Variants in EPB41L3 observed in about 807,000 individuals in gnomAD.
EPB41L3 encodes erythrocyte membrane protein band 4.1 like 3, also known as band 4.1-like protein 3.
In EPB41L3, 57 loss-of-function variants were observed where a neutral mutation model predicts 127.1. The ratio of observed to expected loss-of-function variants is 0.45; its 90% confidence interval spans 0.36 to 0.56. EPB41L3 has a LOEUF of 0.56. EPB41L3 is among the 20% of genes least tolerant of loss of function. EPB41L3 has a pLI of 0.00. For missense variants in EPB41L3, 1,273 were observed against 1,372.2 expected (o/e 0.93, Z 1.14); for synonymous variants, 572 against 549.5 (o/e 1.04, Z -0.57).
At chr18:5,493,701 T>G (rs1374302007) in intron 1 of EPB41L3, among the ~76,000 whole-genome samples, 1 of 152,178 alleles carries the variant, frequency 6.6e-6, no homozygotes, top group Non-Finnish European at 1.5e-5. Flanking sequence ...TCTACTTTTC[T>G]GTGGTGCCAA....
intron 3 of EPB41L3, among the ~76,000 whole-genome samples, chr18:5,477,567 C>T (rs190752693): frequency 1.3e-5 from 2 of 152,286 alleles, no homozygotes; most frequent in African/African-American, 2.4e-5. Flanking sequence ...TGCGTGAATC[C>T]TCCCTGATAC....
chr18:5,530,003 C>T (rs1344957557), intron 1 of EPB41L3, among the ~76,000 whole-genome samples: 3 of 151,828 alleles, frequency 2.0e-5, no homozygotes, highest in Non-Finnish European at 2.9e-5. Flanking sequence ...CTCTCCCTCA[C>T]CTCCCACCAT....
chr18:5,551,945 C>T lies in EPB41L3; in HGVS notation c.-306+60395G>A, dbSNP rs1366001542. On this transcript the variant is annotated intron_variant, in intron 3 of 21. Coordinates refer to the EPB41L3 transcript ENST00000545076. ...GGCAGCAGTATCTTTCAGCATTCCCCAAGTGACTTTTAGGAGTAAATGGAG... is the reference window on the plus strand; with the variant it reads ...GGCAGCAGTATCTTTCAGCATTCCCTAAGTGACTTTTAGGAGTAAATGGAG... Among the ~76,000 whole-genome samples the T allele has an allele frequency of 5.3e-5, 8 of 152,150 alleles. No individual in the cohort carries two copies. The South Asian group carries it at 8.3e-4, about 16-fold the overall frequency.
rs565223983 is a variant in EPB41L3, at chr18:5,507,423, A to T, written c.-11-18229T>A. Among the ~76,000 whole-genome samples the T allele has an allele frequency of 2.1e-4, 32 of 152,194 alleles. 1 individual carries two copies. The highest frequency in any genetic ancestry group is 7.7e-4 in the African/African-American group (32 of 41,504). On this transcript the variant is annotated intron_variant, in intron 1 of 22. Coordinates refer to ENST00000341928, the MANE Select transcript of EPB41L3 (RefSeq NM_012307.5). ...ATTCAGACATTAATAAATGCCATTTATTAATCACTGTTGCCAATTGGTATC... is the reference window on the plus strand; with the variant it reads ...ATTCAGACATTAATAAATGCCATTTTTTAATCACTGTTGCCAATTGGTATC...
intron 3 of EPB41L3, among the ~76,000 whole-genome samples, chr18:5,594,480 A>G (rs2094517961): frequency 6.6e-6 from 1 of 152,206 alleles, no homozygotes. Context: ...CATTGTAATA[A>G]AATATACGGA....
At chr18:5,619,075 T>C (rs1484871585) in intron 1 of EPB41L3, among the ~76,000 whole-genome samples, 2 of 152,212 alleles carry the variant, frequency 1.3e-5, no homozygotes, top group Non-Finnish European at 2.9e-5. Context: ...TAATGATTTG[T>C]ATCTACTGAA....
At chr18:5,494,924 G>C (rs2091005149) in intron 1 of EPB41L3, among the ~76,000 whole-genome samples, 1 of 152,156 alleles carries the variant, frequency 6.6e-6, no homozygotes, top group Admixed American at 6.5e-5. Context: ...TTGTTACTCA[G>C]GGATCATCTG....
At chr18:5,610,028 T>C in intron 3 of EPB41L3, 3 of 886,186 alleles carry the variant, frequency 3.4e-6, no homozygotes, top group Non-Finnish European at 4.1e-6. Flanking sequence ...CTGGGCAGTG[T>C]GCTCACAGGC....
chr18:5,450,991 T>G (rs1217186737), intron 3 of EPB41L3, among the ~76,000 whole-genome samples: 2 of 152,222 alleles, frequency 1.3e-5, no homozygotes, highest in African/African-American at 2.4e-5. Flanking sequence ...CCTGATTTTT[T>G]TTTTACATGT....
rs1359396160 is a variant in EPB41L3 at position 5,392,924 on chromosome 18, T to C, written c.*561A>G. 2.0e-5 allele frequency: 3 copies of C among 152,732 alleles called. No individual in the cohort carries two copies. The highest frequency in any genetic ancestry group is 4.4e-5 in the Non-Finnish European group (3 of 68,108). 9.5% of individuals were successfully genotyped at this position (152,732 alleles called of 1,614,324 possible). A position where few individuals can be genotyped will look rare whatever the true frequency, so the allele number is the denominator to read the frequency against. On this transcript the variant is annotated 3_prime_UTR_variant, in exon 23 of 23. Coordinates refer to ENST00000341928, the MANE Select transcript of EPB41L3 (RefSeq NM_012307.5). The stretch of plus-strand genomic sequence containing the variant: ...AGGGTCAGAGAGTCATTACTGTTTA[T>C]GGGTGAGAGTAATAAAACCAGATGA...
intron 2 of EPB41L3, among the ~76,000 whole-genome samples, chr18:5,485,616 T>C (rs1396855126): frequency 6.6e-6 from 1 of 152,030 alleles, no homozygotes; most frequent in Non-Finnish European, 1.5e-5. Flanking sequence ...ACCAAAAAAC[T>C]GTGAGAACTG....
At chr18:5,474,572 T>A (rs1011986271) in intron 3 of EPB41L3, among the ~76,000 whole-genome samples, 1 of 152,150 alleles carries the variant, frequency 6.6e-6, no homozygotes, top group African/African-American at 2.4e-5. Flanking sequence ...TAAGTTGACG[T>A]GATGAAGGCA....
intron 1 of EPB41L3, among the ~76,000 whole-genome samples, chr18:5,515,484 A>G (rs559598902): frequency 2.0e-5 from 3 of 152,360 alleles, no homozygotes; most frequent in Non-Finnish European, 4.4e-5. Context: ...AAGCAATACT[A>G]GAAACTTCCT....
chr18:5,500,339 C>T (rs4798372), intron 1 of EPB41L3, among the ~76,000 whole-genome samples: 24,547 of 152,042 alleles, frequency 0.16, 2,049 homozygotes, highest in Admixed American at 0.17. Context: ...CAACATCTGA[C>T]TCTGCATCTG....
intron 1 of EPB41L3, among the ~76,000 whole-genome samples, chr18:5,528,523 C>G (rs1291769182): frequency 6.6e-6 from 1 of 151,944 alleles, no homozygotes; most frequent in Non-Finnish European, 1.5e-5. Flanking sequence ...TCAATCAACC[C>G]TTTTGTGTAT....
At chr18:5,415,777 G>A (rs755221698) in intron 13 of EPB41L3, 41 bp downstream of exon 13, 19 of 1,572,310 alleles carry the variant, frequency 1.2e-5, no homozygotes, top group Non-Finnish European at 1.6e-5. Context: ...ACTCAAGCAC[G>A]GAACACGAAG....
In EPB41L3 at chr18:5,415,958, G is replaced by A. The variant is rs749572023; in HGVS notation, c.1927C>T (p.Leu643=). The A allele has an allele frequency of 1.2e-5, 20 of 1,614,016 alleles. No individual in the cohort carries two copies. Among genetic ancestry groups the A allele is most frequent in the Admixed American group, 3.3e-5 (2 of 60,010 alleles). Residue 643 remains leucine (L), a synonymous_variant, in exon 13 of 23, where the codon CTG becomes TTG. Coordinates refer to ENST00000341928, the MANE Select transcript of EPB41L3 (RefSeq NM_012307.5). The stretch of plus-strand genomic sequence containing the variant: ...GGCACTGAGAAGGAGGCAGACAGCA[G>A]AAAGAAAAAGATGAAGAGGAAACAG... ...VPCFLFIFFF[L]LSASFSVPYA...
At chr18:5,435,829 C>T (rs2079691519) in intron 6 of EPB41L3, among the ~76,000 whole-genome samples, 1 of 151,908 alleles carries the variant, frequency 6.6e-6, no homozygotes. Flanking sequence ...CTCTCAATTT[C>T]CTGCATTCTT....
chr18:5,475,025 A>G (rs939289630), intron 3 of EPB41L3, among the ~76,000 whole-genome samples: 1 of 152,138 alleles, frequency 6.6e-6, no homozygotes, highest in Non-Finnish European at 1.5e-5. Flanking sequence ...AGTTATGATA[A>G]CCCTTCAGTC....
Sources: allele counts gnomAD v4.1 joint callset (sites outside exome capture counted in the v4.1 genomes callset), GRCh38; gene constraint gnomAD v4.1.1; transcripts MANE v1.5; gene names NCBI Gene and HGNC (gene_info 2026-07-23, HGNC 2026-07-21).